Variants in NR6A1 observed in about 807,000 individuals in gnomAD.
The protein encoded by NR6A1 is retinoic acid receptor-related testis-associated receptor.
In NR6A1, 7 loss-of-function variants were observed where a neutral mutation model predicts 59.1. The ratio of observed to expected loss-of-function variants is 0.12; its 90% CI spans 0.07 to 0.22. The LOEUF (loss-of-function observed/expected upper bound fraction) is 0.22, where lower values mean the gene tolerates loss of function less well. Ranked by LOEUF, NR6A1 falls within the 10% of genes least tolerant of loss-of-function variation. NR6A1 has a pLI of 1.00. For missense variants in NR6A1, 468 were observed against 611.6 expected, an observed-to-expected ratio of 0.77 and a Z score of 2.48; for synonymous variants, 243 against 236.1, an observed-to-expected ratio of 1.03 and a Z score of -0.27.
intron 2 of NR6A1, among the ~76,000 whole-genome samples, chr9:124,700,611 T>A (rs1017642137): frequency 1.3e-5 from 2 of 152,160 alleles, no homozygotes; most frequent in African/African-American, 4.8e-5. Flanking sequence ...GTTGAATAAA[T>A]AAATATTGTT....
intron 2 of NR6A1, among the ~76,000 whole-genome samples, chr9:124,583,519 A>G (rs1834832413): frequency 6.6e-6 from 1 of 152,144 alleles, no homozygotes; most frequent in Non-Finnish European, 1.5e-5. Context: ...TCTCTTCAAC[A>G]TATTCAGAAG....
intron 7 of NR6A1, among the ~76,000 whole-genome samples, chr9:124,531,755 C>T (rs12339750): frequency 0.016 from 2,467 of 152,278 alleles, 61 homozygotes; most frequent in African/African-American, 0.056. Context: ...TGCCCACCTG[C>T]CTGGCTAGTC....
At chr9:124,749,647 G>A (rs1217636364) in intron 1 of NR6A1, among the ~76,000 whole-genome samples, 3 of 151,998 alleles carry the variant, frequency 2.0e-5, no homozygotes, top group Non-Finnish European at 4.4e-5. Context: ...CTCCAGCCTC[G>A]AACTTCTGAC....
intron 1 of NR6A1, among the ~76,000 whole-genome samples, chr9:124,769,571 C>T (rs1405855358): frequency 1.3e-5 from 2 of 152,190 alleles, no homozygotes; most frequent in South Asian, 4.1e-4. Context: ...ATTTTTAGTG[C>T]CTCCTAACTG....
In NR6A1 at chr9:124,710,828, G is replaced by A. The variant is rs981276943; in HGVS notation, c.142+22480C>T. Among the ~76,000 whole-genome samples the A allele has an allele frequency of 1.6e-4, 24 of 152,114 alleles. 1 individual carries two copies. Among genetic ancestry groups the A allele is most frequent in the East Asian group, 1.9e-4 (1 of 5,192 alleles). On this transcript the variant is annotated intron_variant, in intron 2 of 9. Coordinates refer to ENST00000487099, the MANE Select transcript of NR6A1 (RefSeq NM_033334.4). Reference sequence around the variant, plus strand: ...GCTGGAAATCTTACAGTTCTCAGAAGAACTCCATTATCACTGTTGAGGAAA... The same window carrying A: ...GCTGGAAATCTTACAGTTCTCAGAAAAACTCCATTATCACTGTTGAGGAAA...
chr9:124,555,101 C>G (rs1033633498), intron 2 of NR6A1, among the ~76,000 whole-genome samples: 2 of 152,184 alleles, frequency 1.3e-5, no homozygotes, highest in African/African-American at 2.4e-5. Context: ...CCTGGTGAAG[C>G]TTACACTCTA....
intron 2 of NR6A1, among the ~76,000 whole-genome samples, chr9:124,716,639 TTA>T (rs1212019470): frequency 6.6e-6 from 1 of 152,188 alleles, no homozygotes; most frequent in East Asian, 1.9e-4. Flanking sequence ...TTTTATTTAT[TTA>T]TGTTTTTTGA....
intron 2 of NR6A1, among the ~76,000 whole-genome samples, chr9:124,644,509 CCCA>C (rs1836875638): frequency 6.6e-6 from 1 of 152,108 alleles, no homozygotes; most frequent in Non-Finnish European, 1.5e-5. Flanking sequence ...GCCTCAGCTT[CCCA>C]AAGTGCTGGA....
At chr9:124,623,855 T>C (rs1448817744) in intron 2 of NR6A1, among the ~76,000 whole-genome samples, 2 of 152,214 alleles carry the variant, frequency 1.3e-5, no homozygotes, top group South Asian at 2.1e-4. Flanking sequence ...CACTAACATC[T>C]GTTTGACAGA....
chr9:124,652,867 ATAACT>A (rs1265714302), intron 2 of NR6A1, among the ~76,000 whole-genome samples: 1 of 152,230 alleles, frequency 6.6e-6, no homozygotes, highest in Non-Finnish European at 1.5e-5. Context: ...CATTCCCAGC[ATAACT>A]AATGAGTAGC....
intron 2 of NR6A1, chr9:124,693,857 G>C (rs889300392): frequency 2.0e-6 from 1 of 502,730 alleles, no homozygotes; most frequent in African/African-American, 1.9e-5. Context: ...CTACTGCTGT[G>C]AGTGGGAGCT....
chr9:124,626,495 G>C (rs916158407), intron 2 of NR6A1, among the ~76,000 whole-genome samples: 4 of 152,164 alleles, frequency 2.6e-5, no homozygotes, highest in African/African-American at 4.8e-5. Flanking sequence ...CTAAAAATTA[G>C]GGGCAGAAAT....
chr9:124,643,488 T>C (rs767098108), intron 2 of NR6A1, among the ~76,000 whole-genome samples: 16 of 151,474 alleles, frequency 1.1e-4, no homozygotes, highest in Admixed American at 4.6e-4. Context: ...TAGTCCCAGG[T>C]ACTCGGGAGG....
chr9:124,660,648 C>CAAAAAAAAAAAA lies in NR6A1; in HGVS notation c.142+72648_142+72659dup, dbSNP rs753242760. On this transcript the variant is annotated intron_variant, in intron 2 of 9. Coordinates refer to ENST00000487099, the MANE Select transcript of NR6A1 (RefSeq NM_033334.4). ...TGCACTCCTGGCAGCTCTGAGAATACAAAAAAAAAAAAAAAAAAAAGGCAA... is the reference window on the plus strand; with the variant it reads ...TGCACTCCTGGCAGCTCTGAGAATACAAAAAAAAAAAAAAAAAAAAAAAAAAAAAAAAGGCAA... 1.3e-4 allele frequency among the ~76,000 whole-genome samples: 12 copies of CAAAAAAAAAAAA among 92,810 alleles called. 5 individuals carry two copies. The highest frequency in any genetic ancestry group is 2.4e-4 in the Admixed American group (2 of 8,302). 60.9% of individuals were successfully genotyped at this position (92,810 alleles called of 152,430 possible). A position where few individuals can be genotyped will look rare whatever the true frequency, so the allele number is the denominator to read the frequency against.
intron 2 of NR6A1, among the ~76,000 whole-genome samples, chr9:124,667,760 G>A (rs1837668354): frequency 6.6e-6 from 1 of 152,214 alleles, no homozygotes; most frequent in South Asian, 2.1e-4. Flanking sequence ...TTCTTAGGCT[G>A]ACTGTAGTGA....
At chr9:124,659,177 G>C (rs980893397) in intron 2 of NR6A1, among the ~76,000 whole-genome samples, 1 of 152,054 alleles carries the variant, frequency 6.6e-6, no homozygotes, top group Non-Finnish European at 1.5e-5. Flanking sequence ...CATAGACAGA[G>C]AGGAACTAAG....
chr9:124,738,686 T>C (rs1840085055), intron 1 of NR6A1, among the ~76,000 whole-genome samples: 1 of 151,698 alleles, frequency 6.6e-6, no homozygotes, highest in Admixed American at 6.6e-5. Flanking sequence ...CTGACCAACA[T>C]GGTAAAACCC....
At chr9:124,627,897 T>C (rs1197647617) in intron 2 of NR6A1, among the ~76,000 whole-genome samples, 1 of 149,454 alleles carries the variant, frequency 6.7e-6, no homozygotes, top group African/African-American at 2.4e-5. Flanking sequence ...TTTTTTTTTT[T>C]TTTTTTTTTT....
intron 8 of NR6A1, among the ~76,000 whole-genome samples, 170 bp downstream of exon 8, chr9:124,526,609 G>C (rs1832945942): frequency 6.6e-6 from 1 of 152,048 alleles, no homozygotes; most frequent in South Asian, 2.1e-4. Flanking sequence ...GTACTATAAG[G>C]GTCAGGGTGA....
Sources: gnomAD v4.1 joint callset for allele counts (sites outside exome capture counted in the v4.1 genomes callset) on GRCh38, gnomAD v4.1.1 for gene constraint, MANE v1.5 for transcripts, NCBI Gene and HGNC (gene_info 2026-07-23, HGNC 2026-07-21) for gene names.